The following TP53RK variants were observed in gnomAD, a reference collection of about 807,000 sequenced individuals.
TP53RK encodes the protein EKC/KEOPS complex subunit TP53RK.
TP53RK carries 17 observed loss-of-function variants against 14.9 expected under a neutral mutation model. The observed-to-expected ratio is 1.14, with a 90% CI of 0.78 to 1.71. The LOEUF (loss-of-function observed/expected upper bound fraction) is 1.71. Ranked by LOEUF, TP53RK falls within the 40% of genes most tolerant of loss-of-function variation. The pLI, the probability that TP53RK is intolerant of heterozygous loss-of-function variation, is 0.00. For missense variants in TP53RK, 343 were observed against 332.0 expected (o/e 1.03, Z -0.26); for synonymous variants, 131 against 138.0 (o/e 0.95, Z 0.36).
rs1379290692 is a variant in TP53RK, at chr20:46,687,061, G to C, written c.454C>G (p.Arg152Gly). The C allele has an allele frequency of 6.2e-7, 1 of 1,614,150 alleles. No individual in the cohort carries two copies. Among genetic ancestry groups the C allele is most frequent in the African/African-American group, 1.3e-5 (1 of 75,012 alleles). ...LAKTIGQVLA[R>G]MHDEDLIHGD... ...TGAATGAGGTCTTCATCGTGCATTC[G>C]AGCCAAAACCTGCCCAATTGTCTTG... is the stretch of plus-strand genomic sequence containing the variant. The change falls in exon 2 of 2, where the codon CGA (arginine) becomes GGA (glycine). Residue 152 changes from arginine to glycine, a missense_variant. Arg to Gly is a moderately radical substitution (Grantham distance 125). Transcript: ENST00000372114.
At chr20:46,687,668 C>G (rs141465890) in intron 1 of TP53RK, among the ~76,000 whole-genome samples, 1 of 152,042 alleles carries the variant, frequency 6.6e-6, no homozygotes, top group Non-Finnish European at 1.5e-5. Context: ...TGGTGGCTCA[C>G]GCCTGTAGTC....
rs778529812 is a variant in TP53RK at position 46,685,458 on chromosome 20, T to C, written c.*1295A>G. 3.3e-5 allele frequency: 5 copies of C among 151,920 alleles called. No individual in the cohort carries two copies. The highest frequency in any genetic ancestry group is 7.3e-5 in the African/African-American group (3 of 41,336). 9.4% of individuals were successfully genotyped at this position (151,920 alleles called of 1,614,324 possible). The stretch of plus-strand genomic sequence containing the variant: ...AAACACAAAATACCAAAACTGAGAG[T>C]GTGTGATGACAACAGTGTGCAGAGG... On this transcript the variant is annotated 3_prime_UTR_variant, in exon 2 of 2. Transcript: ENST00000372114.
At position 46,688,968 on chromosome 20, in the gene TP53RK, T is replaced by C. The variant is rs917547691; in HGVS notation, c.283+164A>G. On this transcript the variant is annotated intron_variant, in intron 1 of 1. Transcript: ENST00000372114. ...ACGTGGTTTCTTAAGACTTAACGAA[T>C]GAAAAAAGGGATGAAAGAATAACAT... 8.6e-5 allele frequency among the ~76,000 whole-genome samples: 13 copies of C among 151,792 alleles called. No homozygotes were observed. The East Asian group carries it at 2.5e-3, about 29-fold the overall frequency.
In TP53RK at chr20:46,689,399, C is replaced by G. The variant is rs751472539; in HGVS notation, c.16G>C (p.Ala6Pro). The change falls in exon 1 of 2, where the codon GCT becomes CCT. Residue 6 changes from alanine to proline, a missense_variant. By Grantham distance (27) the Ala-to-Pro change is conservative (BLOSUM62 -1). Coordinates refer to ENST00000372114, the MANE Select transcript of TP53RK (RefSeq NM_033550.4). ...TCCTCGCCATCGGCCGGCGTAGTAG[C>G]TCTGGCCGCCGCCATGACTGCTCGG... is the stretch of plus-strand genomic sequence containing the variant. MAAARATTPADGEEPA... is the reference protein window; with the variant it reads MAAARPTTPADGEEPA... 9.0e-6 allele frequency: 14 copies of G among 1,559,558 alleles called. No homozygotes were observed. In the East Asian group the frequency reaches 2.8e-4, roughly 31 times the overall value.
chr20:46,686,688 T>C lies in TP53RK; in HGVS notation c.*65A>G, dbSNP rs2063181951. The stretch of plus-strand genomic sequence containing the variant: ...TTACTTAGATCTCATCTCATACTTG[T>C]AGCATTTCTTCAAATTTACTTTGAA... On this transcript the variant is annotated 3_prime_UTR_variant, in exon 2 of 2. Coordinates refer to ENST00000372114, the MANE Select transcript of TP53RK (RefSeq NM_033550.4). 2 of 1,311,138 alleles carry C rather than the reference T, an allele frequency of 1.5e-6. No individual in the cohort carries two copies. The highest frequency in any genetic ancestry group is 1.5e-5 in the African/African-American group (1 of 68,148). The allele number at this position is 1,311,138 out of a possible 1,614,324, so 81.2% of individuals were successfully genotyped here. A position where few individuals can be genotyped will look rare whatever the true frequency, so the allele number is the denominator to read the frequency against.
At chr20:46,688,507 G>A (rs1201414209) in intron 1 of TP53RK, among the ~76,000 whole-genome samples, 3 of 152,220 alleles carry the variant, frequency 2.0e-5, no homozygotes, top group Non-Finnish European at 2.9e-5. Flanking sequence ...GATGTTTAAT[G>A]AAAAAATAGG....
Position 46,686,960 on chromosome 20 carries a change from C to A in TP53RK, c.555G>T (p.Gly185=). The A allele has an allele frequency of 6.2e-7, 1 of 1,614,162 alleles. No homozygotes were observed. The highest frequency in any genetic ancestry group is 8.5e-7 in the Non-Finnish European group (1 of 1,180,038). The change falls in exon 2 of 2, where the codon GGG becomes GGT. Residue 185 remains glycine (G), a synonymous_variant. Coordinates refer to ENST00000372114, the MANE Select transcript of TP53RK (RefSeq NM_033550.4). The part of the protein sequence containing the change: ...EQLNIVLIDF[G]LSFISALPED... ...CTGGAAGTGCTGAAATGAAACTCAG[C>A]CCAAAGTCTATGAGCACAATGTTCA...
chr20:46,688,640 T>C (rs1290468991), intron 1 of TP53RK, among the ~76,000 whole-genome samples: 1 of 152,246 alleles, frequency 6.6e-6, no homozygotes. Flanking sequence ...ACTGCTACTA[T>C]GTCTCCCATT....
Position 46,687,000 on chromosome 20 carries a change from G to C in TP53RK, c.515C>G (p.Pro172Arg). ...DLTTSNMLLKPPLEQLNIVLI... is the reference protein window; with the variant it reads ...DLTTSNMLLKRPLEQLNIVLI... The stretch of plus-strand genomic sequence containing the variant: ...CACAATGTTCAGCTGTTCCAGGGGG[G>C]GTTTCAGGAGCATGTTGGAGGTGGT... Residue 172 changes from proline to arginine, a missense_variant, in exon 2 of 2, where the codon CCC becomes CGC. Physicochemically the swap from Pro to Arg is moderately radical, Grantham distance 103. Coordinates refer to ENST00000372114, the MANE Select transcript of TP53RK (RefSeq NM_033550.4). 2.5e-6 allele frequency: 4 copies of C among 1,614,150 alleles called. No individual in the cohort carries two copies. The highest frequency in any genetic ancestry group is 2.5e-6 in the Non-Finnish European group (3 of 1,180,034).
At chr20:46,687,314 C>T in intron 1 of TP53RK, 83 bp from the exon 2 acceptor site, 1 of 1,155,234 alleles carries the variant, frequency 8.7e-7, no homozygotes, top group Non-Finnish European at 1.2e-6. Context: ...CCAGTTTTTC[C>T]ATCTATATCT....
At position 46,686,951 on chromosome 20, in the gene TP53RK, G is replaced by T; in HGVS notation, c.564C>A (p.Phe188Leu). The change falls in exon 2 of 2, where the codon TTC becomes TTA. Residue 188 changes from phenylalanine (F) to leucine (L), a missense_variant. Physicochemically the swap from Phe to Leu is conservative, Grantham distance 22. Transcript: ENST00000372114. ...CCTTATCCTCTGGAAGTGCTGAAAT[G>T]AAACTCAGCCCAAAGTCTATGAGCA... ...NIVLIDFGLS[F>L]ISALPEDKGV... 6.2e-7 allele frequency: 1 copy of T among 1,614,168 alleles called. No individual in the cohort carries two copies. The highest frequency in any genetic ancestry group is 8.5e-7 in the Non-Finnish European group (1 of 1,180,024).
At position 46,687,050 on chromosome 20, in the gene TP53RK, A is replaced by G; in HGVS notation, c.465T>C (p.Asp155=). Residue 155 remains aspartate, a synonymous_variant, in exon 2 of 2, where the codon GAT becomes GAC. Coordinates refer to ENST00000372114, the MANE Select transcript of TP53RK (RefSeq NM_033550.4). ...TIGQVLARMH[D]EDLIHGDLTT... The stretch of plus-strand genomic sequence containing the variant: ...TGAGATCACCATGAATGAGGTCTTC[A>G]TCGTGCATTCGAGCCAAAACCTGCC... The G allele has an allele frequency of 1.2e-6, 2 of 1,614,216 alleles. No individual in the cohort carries two copies. The highest frequency in any genetic ancestry group is 1.3e-5 in the African/African-American group (1 of 75,038).
In TP53RK at chr20:46,689,427, C is replaced by T. The variant is rs768903902; in HGVS notation, c.-13G>A. 11 of 1,529,964 alleles carry T rather than the reference C, an allele frequency of 7.2e-6. No individual in the cohort carries two copies. Among genetic ancestry groups the T allele is most frequent in the East Asian group, 2.4e-5 (1 of 42,448 alleles). 94.8% of individuals were successfully genotyped at this position (1,529,964 alleles called of 1,614,324 possible). A position where few individuals can be genotyped will look rare whatever the true frequency, so the allele number is the denominator to read the frequency against. On this transcript the variant is annotated 5_prime_UTR_variant, in exon 1 of 2. Transcript: ENST00000372114. The stretch of plus-strand genomic sequence containing the variant: ...TGGCCGCCGCCATGACTGCTCGGCG[C>T]AACAGCTCCAACCGATCAGCTGTCT...
Position 46,685,482 on chromosome 20 carries a change from G to C in TP53RK, c.*1271C>G, listed in dbSNP as rs2063176571. 1 of 152,182 alleles carries C rather than the reference G, an allele frequency of 6.6e-6. No homozygotes were observed. Among genetic ancestry groups the C allele is most frequent in the African/African-American group, 2.4e-5 (1 of 41,442 alleles). 9.4% of individuals were successfully genotyped at this position (152,182 alleles called of 1,614,324 possible). On this transcript the variant is annotated 3_prime_UTR_variant, in exon 2 of 2. Transcript: ENST00000372114. The stretch of plus-strand genomic sequence containing the variant: ...GTGTGTGATGACAACAGTGTGCAGA[G>C]GGAAATTCATAGCTGCAAATGTCCA...
Position 46,689,373 on chromosome 20 carries a change from C to A in TP53RK, c.42G>T (p.Glu14Asp), listed in dbSNP as rs542718885. ...ARATTPADGEEPAPEAEALAA... is the reference protein window; with the variant it reads ...ARATTPADGEDPAPEAEALAA... ...CCAGAGCCTCAGCCTCCGGGGCGGG[C>A]TCCTCGCCATCGGCCGGCGTAGTAG... Residue 14 changes from glutamate to aspartate, a missense_variant, in exon 1 of 2, where the codon GAG (glutamate) becomes GAT (aspartate). Transcript: ENST00000372114. 18 of 1,577,082 alleles carry A rather than the reference C, an allele frequency of 1.1e-5. No homozygotes were observed. Among genetic ancestry groups the A allele is most frequent in the Admixed American group, 3.5e-5 (2 of 56,994 alleles).
In TP53RK at chr20:46,687,088, C is replaced by T. The variant is rs2063183715; in HGVS notation, c.427G>A (p.Ala143Thr). ...GCCAAAACCTGCCCAATTGTCTTGG[C>T]TAAGTTGGAGAGACCCTGGGGAGTT... is the stretch of plus-strand genomic sequence containing the variant. ...EKTPQGLSNLAKTIGQVLARM... is the reference protein window; with the variant it reads ...EKTPQGLSNLTKTIGQVLARM... The change falls in exon 2 of 2, where the codon GCC becomes ACC. Residue 143 changes from alanine (A) to threonine (T), a missense_variant. Ala to Thr is a moderately conservative substitution (Grantham distance 58). Transcript: ENST00000372114. 11 of 1,614,142 alleles carry T rather than the reference C, an allele frequency of 6.8e-6. No homozygotes were observed. The East Asian group carries it at 2.0e-4, about 29-fold the overall frequency.
At chr20:46,687,910 A>G (rs1482922527) in intron 1 of TP53RK, among the ~76,000 whole-genome samples, 1 of 152,218 alleles carries the variant, frequency 6.6e-6, no homozygotes, top group Non-Finnish European at 1.5e-5. Flanking sequence ...CTTCGTAGTC[A>G]GAGAGGACAG....
Position 46,688,709 on chromosome 20 carries a change from C to T in TP53RK, c.283+423G>A, listed in dbSNP as rs530608519. ...ATAACTTGTTGAAAGGCTACACAAG[C>T]AGCAGAGTTAGTATTTCAACCCAGG... On this transcript the variant is annotated intron_variant, in intron 1 of 1. Transcript: ENST00000372114. 5.3e-5 allele frequency among the ~76,000 whole-genome samples: 8 copies of T among 152,350 alleles called. No individual in the cohort carries two copies. The East Asian group carries it at 1.5e-3, about 29-fold the overall frequency.
rs2063181744 is a variant in TP53RK, at chr20:46,686,595, T to C, written c.*158A>G. 2.9e-6 allele frequency: 2 copies of C among 680,574 alleles called. No individual in the cohort carries two copies. Among genetic ancestry groups the C allele is most frequent in the Non-Finnish European group, 5.0e-6 (2 of 397,942 alleles). The allele number at this position is 680,574 out of a possible 1,614,324, so 42.2% of individuals were successfully genotyped here. The stretch of plus-strand genomic sequence containing the variant: ...CCTAGAACATGACTTAGACACATAG[T>C]AAGCTCTTGAGTGAAGTGCAGATGA... On this transcript the variant is annotated 3_prime_UTR_variant, in exon 2 of 2. Transcript: ENST00000372114.
Sources: gnomAD v4.1 joint callset for allele counts (sites outside exome capture counted in the v4.1 genomes callset) on GRCh38, gnomAD v4.1.1 for gene constraint, MANE v1.5 for transcripts, NCBI Gene and HGNC (gene_info 2026-07-23, HGNC 2026-07-21) for gene names.